Variants in PIP4P2 observed in about 807,000 individuals in gnomAD.
PIP4P2 encodes the protein type 2 phosphatidylinositol 4,5-bisphosphate 4-phosphatase.
In PIP4P2, 19 loss-of-function variants were observed where a neutral mutation model predicts 33.3. The observed-to-expected ratio is 0.57, with a 90% CI of 0.40 to 0.84. The LOEUF (loss-of-function observed/expected upper bound fraction) is 0.84, where lower values mean the gene tolerates loss of function less well. Ranked by LOEUF, PIP4P2 falls within the 40% of genes least tolerant of loss-of-function variation. The probability of loss-of-function intolerance (pLI) is 0.00; values close to 1 mark genes in which losing one functional copy is unlikely to be tolerated. For synonymous variants in PIP4P2, 110 were observed against 111.9 expected (o/e 0.98, Z 0.11); for missense variants, 270 against 324.7 (o/e 0.83, Z 1.29).
At chr8:91,039,020 T>C (rs6983337) in intron 1 of PIP4P2, among the ~76,000 whole-genome samples, 90,846 of 151,458 alleles carry the variant, frequency 0.6, 27,957 homozygotes, top group Middle Eastern at 0.72. Context: ...GTCTATAAGC[T>C]GATCCCTGAG....
intron 4 of PIP4P2, among the ~76,000 whole-genome samples, chr8:91,014,938 A>C (rs1359401999): frequency 1.3e-5 from 2 of 152,154 alleles, no homozygotes; most frequent in Non-Finnish European, 2.9e-5. Context: ...AAAGCTGGGA[A>C]AAAAACAGAA....
At chr8:91,032,755 T>C (rs1333074974) in intron 1 of PIP4P2, among the ~76,000 whole-genome samples, 1 of 129,194 alleles carries the variant, frequency 7.7e-6, no homozygotes, top group Non-Finnish European at 1.6e-5. Context: ...CACTCCAGCC[T>C]GGGCAACAGA....
At chr8:91,032,630 A>T (rs1330034467) in intron 1 of PIP4P2, among the ~76,000 whole-genome samples, 1 of 151,828 alleles carries the variant, frequency 6.6e-6, no homozygotes, top group Non-Finnish European at 1.5e-5. Flanking sequence ...AAAATACAAA[A>T]ATTAGTCAAG....
chr8:91,031,570 G>C (rs1291708913), intron 1 of PIP4P2, among the ~76,000 whole-genome samples: 1 of 152,168 alleles, frequency 6.6e-6, no homozygotes, highest in Non-Finnish European at 1.5e-5. Context: ...CTCAATATGA[G>C]AGGAAGAAAA....
At chr8:91,021,716 T>C (rs1812011291) in intron 1 of PIP4P2, among the ~76,000 whole-genome samples, 1 of 152,150 alleles carries the variant, frequency 6.6e-6, no homozygotes, top group African/African-American at 2.4e-5. Context: ...ATACAGTCTC[T>C]AACAGGAGAG....
chr8:91,030,482 G>T (rs1812148392), intron 1 of PIP4P2, among the ~76,000 whole-genome samples: 1 of 152,088 alleles, frequency 6.6e-6, no homozygotes, highest in African/African-American at 2.4e-5. Context: ...ACTAATCCAA[G>T]ACAAACTTCA....
chr8:91,005,665 G>T (rs1443655134), intron 5 of PIP4P2, among the ~76,000 whole-genome samples: 1 of 152,088 alleles, frequency 6.6e-6, no homozygotes, highest in Non-Finnish European at 1.5e-5. Flanking sequence ...ACACTAGATG[G>T]CAAAATAAAT....
chr8:91,027,470 T>C (rs769126815), intron 1 of PIP4P2, among the ~76,000 whole-genome samples: 5 of 152,036 alleles, frequency 3.3e-5, no homozygotes, highest in African/African-American at 7.3e-5. Context: ...GATCCATAAC[T>C]AAGGTCAAAT....
intron 1 of PIP4P2, among the ~76,000 whole-genome samples, chr8:91,024,712 C>A (rs2130373511): frequency 6.6e-6 from 1 of 152,246 alleles, no homozygotes; most frequent in African/African-American, 2.4e-5. Flanking sequence ...AAAAATTCCT[C>A]ATTTTGGAAA....
intron 1 of PIP4P2, among the ~76,000 whole-genome samples, chr8:91,023,133 G>A (rs1812034531): frequency 6.6e-6 from 1 of 151,498 alleles, no homozygotes; most frequent in African/African-American, 2.4e-5. Flanking sequence ...TTATTCTTGG[G>A]GAAAGAATAT....
At chr8:91,029,254 G>A (rs907147608) in intron 1 of PIP4P2, among the ~76,000 whole-genome samples, 3 of 151,826 alleles carry the variant, frequency 2.0e-5, no homozygotes, top group African/African-American at 7.3e-5. Flanking sequence ...TCGTGCTATT[G>A]CACTCCAGCC....
At chr8:91,020,069 A>T in intron 3 of PIP4P2, 88 bp downstream of exon 3, 2 of 1,310,182 alleles carry the variant, frequency 1.5e-6, no homozygotes, top group Non-Finnish European at 2.1e-6. Flanking sequence ...AACTCTTTCT[A>T]GAACAAAGCC....
chr8:91,010,261 C>T (rs1360785280), intron 4 of PIP4P2, among the ~76,000 whole-genome samples: 5 of 151,700 alleles, frequency 3.3e-5, no homozygotes, highest in Non-Finnish European at 1.5e-5. Flanking sequence ...CTTGTAATGT[C>T]ATTTCAAATG....
chr8:90,995,855 G>C, intron 6 of PIP4P2, 35 bp from the exon 7 acceptor site: 1 of 1,569,696 alleles, frequency 6.4e-7, no homozygotes, highest in Non-Finnish European at 8.6e-7. Context: ...CAAAATATTA[G>C]AAACTTTAAA....
intron 1 of PIP4P2, among the ~76,000 whole-genome samples, chr8:91,037,329 C>T (rs1333189963): frequency 6.6e-6 from 1 of 152,192 alleles, no homozygotes; most frequent in African/African-American, 2.4e-5. Flanking sequence ...TCATACTCCA[C>T]CCTGCTGATC....
intron 3 of PIP4P2, among the ~76,000 whole-genome samples, chr8:91,018,965 A>C (rs900322447): frequency 1.3e-5 from 2 of 152,136 alleles, no homozygotes; most frequent in African/African-American, 4.8e-5. Flanking sequence ...ATTTAATCAG[A>C]GATGAAAAGA....
Position 90,995,499 on chromosome 8 carries a change from A to T in PIP4P2, c.*178T>A, listed in dbSNP as rs1481496075. 1.6e-6 allele frequency: 1 copy of T among 627,690 alleles called. No homozygotes were observed. Among genetic ancestry groups the T allele is most frequent in the African/African-American group, 1.9e-5 (1 of 52,534 alleles). 38.9% of individuals were successfully genotyped at this position (627,690 alleles called of 1,614,324 possible). On this transcript the variant is annotated 3_prime_UTR_variant, in exon 7 of 7. Coordinates refer to ENST00000285419, the MANE Select transcript of PIP4P2 (RefSeq NM_018710.3). ...CAAATTTTGAAAACCTAGCAGCAAAACAATTTGCATATAATATAGTGCAAT... is the reference window on the plus strand; with the variant it reads ...CAAATTTTGAAAACCTAGCAGCAAATCAATTTGCATATAATATAGTGCAAT...
rs540728611 is a variant in PIP4P2, at chr8:91,000,006, C to T, written c.540-3262G>A. The stretch of plus-strand genomic sequence containing the variant: ...GACTTCTTTTATATTGACCATGACT[C>T]TTTCATTTCATTTTCCTCTTATTAT... On this transcript the variant is annotated intron_variant, in intron 5 of 6. Coordinates refer to ENST00000285419, the MANE Select transcript of PIP4P2 (RefSeq NM_018710.3). Among the ~76,000 whole-genome samples, 3 of 151,924 alleles carry T rather than the reference C, an allele frequency of 2.0e-5. No homozygotes were observed. The South Asian group carries it at 6.2e-4, about 32-fold the overall frequency.
chr8:91,018,196 A>T (rs1297894796), intron 4 of PIP4P2, among the ~76,000 whole-genome samples, 194 bp downstream of exon 4: 1 of 152,158 alleles, frequency 6.6e-6, no homozygotes, highest in Non-Finnish European at 1.5e-5. Flanking sequence ...TTATCAGAGG[A>T]CGTACCTTTT....
Sources: allele counts gnomAD v4.1 joint callset (sites outside exome capture counted in the v4.1 genomes callset), GRCh38; gene constraint gnomAD v4.1.1; transcripts MANE v1.5; gene names NCBI Gene and HGNC (gene_info 2026-07-23, HGNC 2026-07-21).